The following CRACDL variants were observed in gnomAD, a reference collection of about 807,000 sequenced individuals.
The protein encoded by CRACDL is CRACD like, also known as CRACD-like protein.
CRACDL carries 26 observed loss-of-function variants against 70.6 expected under a neutral mutation model. The ratio of observed to expected loss-of-function variants is 0.37; its 90% CI spans 0.27 to 0.51. The LOEUF is 0.51. Ranked by LOEUF, CRACDL falls within the 20% of genes least tolerant of loss-of-function variation. The pLI is 0.94. For missense variants in CRACDL, 1,283 were observed against 1,376.9 expected, an observed-to-expected ratio of 0.93 and a Z score of 1.08; for synonymous variants, 618 against 615.2, an observed-to-expected ratio of 1.00 and a Z score of -0.07.
chr2:98,856,760 T>A (rs544853133), intron 1 of CRACDL, among the ~76,000 whole-genome samples: 1 of 152,300 alleles, frequency 6.6e-6, no homozygotes, highest in South Asian at 2.1e-4. Flanking sequence ...TGCCTCAACG[T>A]CCTCACAAAC....
intron 1 of CRACDL, among the ~76,000 whole-genome samples, chr2:98,862,103 A>G (rs1706962624): frequency 6.6e-6 from 1 of 152,164 alleles, no homozygotes; most frequent in Non-Finnish European, 1.5e-5. Flanking sequence ...TCTCGGAGCC[A>G]GATATCAAAG....
In CRACDL at chr2:98,893,799, T is replaced by C. The variant is rs555221574; in HGVS notation, c.-11+42139A>G. On this transcript the variant is annotated intron_variant, in intron 1 of 9. Coordinates refer to ENST00000397899, the MANE Select transcript of CRACDL (RefSeq NM_207362.3). ...TGTCCCCCTCATTTTGAACAGGTTG[T>C]CTTTTACTGAGGAAATCCATGCCGT... Among the ~76,000 whole-genome samples the C allele has an allele frequency of 5.3e-4, 81 of 152,344 alleles. 1 individual carries two copies. The highest frequency in any genetic ancestry group is 6.8e-3 in the Middle Eastern group (2 of 294).
intron 2 of CRACDL, among the ~76,000 whole-genome samples, chr2:98,840,908 A>C (rs1258306827): frequency 6.6e-6 from 1 of 152,180 alleles, no homozygotes; most frequent in African/African-American, 2.4e-5. Context: ...GAAATGCTGC[A>C]AAATCTGAAA....
chr2:98,819,651 G>A (rs1704939046), intron 7 of CRACDL, among the ~76,000 whole-genome samples: 1 of 152,126 alleles, frequency 6.6e-6, no homozygotes, highest in African/African-American at 2.4e-5. Context: ...AAAAGAGCCA[G>A]AAAAGATTAG....
At chr2:98,810,582 A>ATTTTTCATC (rs1182249942) in intron 7 of CRACDL, among the ~76,000 whole-genome samples, 9 of 152,284 alleles carry the variant, frequency 5.9e-5, no homozygotes, top group Admixed American at 2.0e-4. Context: ...GGTGAACATC[A>ATTTTTCATC]CAACTGGCAT....
At chr2:98,923,514 T>C (rs1162916380) in intron 1 of CRACDL, among the ~76,000 whole-genome samples, 1 of 152,184 alleles carries the variant, frequency 6.6e-6, no homozygotes, top group African/African-American at 2.4e-5. Context: ...GGAGAGCCTG[T>C]CATACCCACT....
intron 7 of CRACDL, among the ~76,000 whole-genome samples, chr2:98,804,362 C>T (rs113732359): frequency 0.022 from 3,402 of 152,272 alleles, 135 homozygotes; most frequent in African/African-American, 0.077. Context: ...TTTGAGAATT[C>T]GCCTACTCGC....
intron 7 of CRACDL, among the ~76,000 whole-genome samples, chr2:98,817,173 G>A (rs147496828): frequency 1.1e-3 from 160 of 152,280 alleles, no homozygotes; most frequent in African/African-American, 3.4e-3. Context: ...ATTGAAGAGC[G>A]GAAAGGTGGT....
intron 1 of CRACDL, among the ~76,000 whole-genome samples, chr2:98,883,139 G>A (rs6704682): frequency 0.4 from 60,464 of 152,078 alleles, 12,998 homozygotes; most frequent in African/African-American, 0.56. Context: ...AGAAAGAGCT[G>A]CAAGTGGTGT....
Position 98,818,771 on chromosome 2 carries a change from T to G in CRACDL, c.2416+3086A>C, listed in dbSNP as rs568810564. Among the ~76,000 whole-genome samples the G allele has an allele frequency of 2.6e-5, 4 of 152,326 alleles. No homozygotes were observed. In the East Asian group the frequency reaches 7.7e-4, roughly 29 times the overall value. On this transcript the variant is annotated intron_variant, in intron 7 of 9. Coordinates refer to ENST00000397899, the MANE Select transcript of CRACDL (RefSeq NM_207362.3). ...GAAAGTGTGGGGGCAGCTTCACTGC[T>G]GGGGTCTGACAGCGCAGACCCTGAG...
At chr2:98,918,362 GA>G (rs1708715538) in intron 1 of CRACDL, among the ~76,000 whole-genome samples, 1 of 151,800 alleles carries the variant, frequency 6.6e-6, no homozygotes, top group Non-Finnish European at 1.5e-5. Context: ...ACAAAACCCT[GA>G]CTCTACTAAA....
At chr2:98,862,997 G>A (rs1706997054) in intron 1 of CRACDL, among the ~76,000 whole-genome samples, 1 of 151,600 alleles carries the variant, frequency 6.6e-6, no homozygotes, top group South Asian at 2.1e-4. Flanking sequence ...TCATTTATGT[G>A]TTTATACATA....
intron 5 of CRACDL, among the ~76,000 whole-genome samples, chr2:98,829,890 G>A (rs1371566177): frequency 6.6e-6 from 1 of 152,178 alleles, no homozygotes; most frequent in East Asian, 1.9e-4. Flanking sequence ...GGGAAGGAGA[G>A]GTGCTGATCT....
At position 98,896,352 on chromosome 2, in the gene CRACDL, A is replaced by G. The variant is rs866890414; in HGVS notation, c.-11+39586T>C. On this transcript the variant is annotated intron_variant, in intron 1 of 9. Coordinates refer to ENST00000397899, the MANE Select transcript of CRACDL (RefSeq NM_207362.3). ...AGAAAATATTTCAGAGGAATAAATC[A>G]AGAGCTGAACAGGAATAACTCTTCT... Among the ~76,000 whole-genome samples the G allele has an allele frequency of 2.1e-4, 32 of 152,226 alleles. 1 individual carries two copies. Among genetic ancestry groups the G allele is most frequent in the African/African-American group, 7.2e-4 (30 of 41,452 alleles).
rs1288478583 is a variant in CRACDL, at chr2:98,838,800, A to G, written c.71-513T>C. On this transcript the variant is annotated intron_variant, in intron 2 of 9. Transcript: ENST00000397899. ...GGGGCACCAACTGCATGATGAGCTA[A>G]TGACTTTTGGTGAGAAAAACAATGA... 2.0e-5 allele frequency among the ~76,000 whole-genome samples: 3 copies of G among 152,210 alleles called. No individual in the cohort carries two copies. The East Asian group carries it at 5.8e-4, about 29-fold the overall frequency.
At chr2:98,810,434 C>A (rs1704505966) in intron 7 of CRACDL, among the ~76,000 whole-genome samples, 1 of 152,070 alleles carries the variant, frequency 6.6e-6, no homozygotes, top group South Asian at 2.1e-4. Flanking sequence ...ATGGTTCCAC[C>A]CACGACCTGG....
At chr2:98,849,218 A>G (rs1378885775) in intron 1 of CRACDL, among the ~76,000 whole-genome samples, 1 of 152,218 alleles carries the variant, frequency 6.6e-6, no homozygotes, top group East Asian at 1.9e-4. Context: ...GAGATCATGC[A>G]CTGGGTCTGA....
In CRACDL at chr2:98,839,863, CTT is replaced by C. The variant is rs35920584; in HGVS notation, c.71-1578_71-1577del. 1.4e-4 allele frequency among the ~76,000 whole-genome samples: 22 copies of C among 152,264 alleles called. No homozygotes were observed. In the East Asian group the frequency reaches 4.1e-3, roughly 28 times the overall value. On this transcript the variant is annotated intron_variant, in intron 2 of 9. Coordinates refer to ENST00000397899, the MANE Select transcript of CRACDL (RefSeq NM_207362.3). ...ACAACATCTATAGTGATTGATGCCT[CTT>C]TTCTCACCCTGATATTAATTATCAT...
At chr2:98,841,456 A>G (rs914571628) in intron 2 of CRACDL, among the ~76,000 whole-genome samples, 2 of 152,108 alleles carry the variant, frequency 1.3e-5, no homozygotes, top group African/African-American at 4.8e-5. Flanking sequence ...CAATACAAGG[A>G]CCTTCGAATA....
Sources: gnomAD v4.1 joint callset for allele counts (sites outside exome capture counted in the v4.1 genomes callset) on GRCh38, gnomAD v4.1.1 for gene constraint, MANE v1.5 for transcripts, NCBI Gene and HGNC (gene_info 2026-07-23, HGNC 2026-07-21) for gene names.